Variants in SNX27 observed in about 807,000 individuals in gnomAD.
SNX27 encodes the protein sorting nexin 27.
Under a neutral mutation model 71.6 loss-of-function variants are expected in SNX27, and 22 were observed. The observed-to-expected ratio is 0.31, with a 90% CI of 0.22 to 0.44. SNX27 has a LOEUF of 0.44. Ranked by LOEUF, SNX27 falls within the 20% of genes least tolerant of loss-of-function variation. The pLI, the probability that SNX27 is intolerant of heterozygous loss-of-function variation, is 1.00. For synonymous variants in SNX27, 269 were observed against 277.2 expected, an observed-to-expected ratio of 0.97 and a Z score of 0.29; for missense variants, 531 against 698.6, an observed-to-expected ratio of 0.76 and a Z score of 2.70.
At chr1:151,638,803 C>T in intron 1 of SNX27, 85 bp from the exon 2 acceptor site, 1 of 1,222,086 alleles carries the variant, frequency 8.2e-7, no homozygotes, top group Non-Finnish European at 1.2e-6. Context: ...CCGTGTGACA[C>T]TGGAGTTTGG....
At position 151,631,322 on chromosome 1, in the gene SNX27, A is replaced by G. The variant is rs75366612; in HGVS notation, c.312-7566A>G. On this transcript the variant is annotated intron_variant, in intron 1 of 11. Transcript: ENST00000458013. ...CAGAGATCTCCTAATTTTTAAGAAG[A>G]TATGTTGTGGAGAAGGTAGGGAGTT... Among the ~76,000 whole-genome samples, 491 of 152,268 alleles carry G rather than the reference A, an allele frequency of 3.2e-3. 1 individual carries two copies. Among genetic ancestry groups the G allele is most frequent in the African/African-American group, 0.011 (467 of 41,550 alleles).
intron 6 of SNX27, among the ~76,000 whole-genome samples, chr1:151,667,751 T>C (rs960143224): frequency 3.7e-5 from 5 of 133,798 alleles, no homozygotes; most frequent in African/African-American, 1.1e-4. Context: ...GGCGTGAACC[T>C]GGGAGGCGGA....
intron 5 of SNX27, chr1:151,662,718 C>T (rs1670014872): frequency 1.3e-5 from 2 of 152,918 alleles, no homozygotes; most frequent in African/African-American, 4.8e-5. Context: ...CTCCTGATCT[C>T]ATGATCCACC....
chr1:151,648,403 A>G (rs1325861582), intron 2 of SNX27, among the ~76,000 whole-genome samples: 3 of 150,894 alleles, frequency 2.0e-5, no homozygotes, highest in Non-Finnish European at 4.4e-5. Context: ...ATTTGATCAC[A>G]TATTTACCAT....
intron 1 of SNX27, among the ~76,000 whole-genome samples, chr1:151,618,349 T>C (rs1667522323): frequency 6.6e-6 from 1 of 152,238 alleles, no homozygotes; most frequent in Admixed American, 6.5e-5. Context: ...TGGTTATCAG[T>C]GAAGACAGCA....
At chr1:151,692,095 G>T (rs1671478792) in intron 8 of SNX27, among the ~76,000 whole-genome samples, 1 of 152,036 alleles carries the variant, frequency 6.6e-6, no homozygotes, top group Admixed American at 6.6e-5. Context: ...AGCTACTTGG[G>T]AGGCTGAGGC....
At chr1:151,615,107 A>G (rs1198188438) in intron 1 of SNX27, among the ~76,000 whole-genome samples, 1 of 152,198 alleles carries the variant, frequency 6.6e-6, no homozygotes. Flanking sequence ...CCTTTGTGGT[A>G]AGTAGAGAAC....
intron 2 of SNX27, among the ~76,000 whole-genome samples, chr1:151,649,086 C>G (rs190886238): frequency 6.6e-6 from 1 of 151,638 alleles, no homozygotes; most frequent in Admixed American, 6.6e-5. Context: ...CTCAGCCTCC[C>G]GAGTAGCTGG....
intron 5 of SNX27, among the ~76,000 whole-genome samples, chr1:151,664,739 C>A (rs1033670848): frequency 3.9e-5 from 6 of 152,208 alleles, no homozygotes; most frequent in Middle Eastern, 3.4e-3. Flanking sequence ...GGATCTCAGG[C>A]ATTTATGAAA....
At position 151,686,240 on chromosome 1, in the gene SNX27, A is replaced by G. The variant is rs181737303; in HGVS notation, c.1239+2795A>G. 1.4e-3 allele frequency among the ~76,000 whole-genome samples: 216 copies of G among 152,358 alleles called. 1 individual carries two copies. Among genetic ancestry groups the G allele is most frequent in the Non-Finnish European group, 1.9e-3 (132 of 68,030 alleles). Reference sequence around the variant, plus strand: ...TTCCAAACACACTATCTTTCCATCTATGTATTCAACAAAACATATTTGTTG... The same window carrying G: ...TTCCAAACACACTATCTTTCCATCTGTGTATTCAACAAAACATATTTGTTG... On this transcript the variant is annotated intron_variant, in intron 8 of 11. Transcript: ENST00000458013.
chr1:151,685,960 C>T (rs775236979), intron 8 of SNX27, among the ~76,000 whole-genome samples: 2 of 152,164 alleles, frequency 1.3e-5, no homozygotes, highest in African/African-American at 4.8e-5. Context: ...TTTTAAAACA[C>T]GACTTCCACC....
At chr1:151,676,946 G>A (rs1670727886) in intron 7 of SNX27, 1 of 151,926 alleles carries the variant, frequency 6.6e-6, no homozygotes, top group South Asian at 2.1e-4. Flanking sequence ...GTGTGTGTGT[G>A]TGTGTGTATA....
At chr1:151,637,166 T>TG (rs1211354739) in intron 1 of SNX27, among the ~76,000 whole-genome samples, 2 of 90,382 alleles carry the variant, frequency 2.2e-5, no homozygotes, top group African/African-American at 9.4e-5. Flanking sequence ...TTTTTTGTTT[T>TG]TTTGTTTTTT....
Position 151,696,498 on chromosome 1 carries a change from T to A in SNX27, c.*2081T>A, listed in dbSNP as rs4617400. The A allele has an allele frequency of 9.4e-5, 10 of 106,500 alleles. No individual in the cohort carries two copies. The highest frequency in any genetic ancestry group is 2.8e-4 in the African/African-American group (8 of 28,466). The allele number at this position is 106,500 out of a possible 1,614,324, so 6.6% of individuals were successfully genotyped here. ...CTTTCTTTCTTTCTTTCTTTCTTTC[T>A]TTCTTTCGTTCTTTCGTTCTTTCGT... On this transcript the variant is annotated 3_prime_UTR_variant, in exon 12 of 12. Coordinates refer to ENST00000458013, the MANE Select transcript of SNX27 (RefSeq NM_001330723.2).
At chr1:151,633,038 AT>A (rs1668312675) in intron 1 of SNX27, among the ~76,000 whole-genome samples, 1 of 151,572 alleles carries the variant, frequency 6.6e-6, no homozygotes, top group South Asian at 2.1e-4. Flanking sequence ...CGCCTGGCTA[AT>A]TTTTTTGTAT....
intron 2 of SNX27, among the ~76,000 whole-genome samples, chr1:151,651,422 G>A (rs1372910223): frequency 2.7e-5 from 4 of 149,090 alleles, no homozygotes; most frequent in African/African-American, 7.4e-5. Flanking sequence ...GCTGCCGGGC[G>A]GAGACGCTCC....
chr1:151,675,709 A>G (rs1030810618), intron 7 of SNX27: 3 of 143,262 alleles, frequency 2.1e-5, no homozygotes, highest in Admixed American at 7.0e-5. Context: ...TGAGTATGTG[A>G]TTATAAATGA....
chr1:151,685,005 C>T (rs1671129400), intron 8 of SNX27, among the ~76,000 whole-genome samples: 1 of 151,942 alleles, frequency 6.6e-6, no homozygotes, highest in Non-Finnish European at 1.5e-5. Flanking sequence ...GATGGGGTTT[C>T]ACCATGTTGG....
chr1:151,641,672 T>G (rs1049313704), intron 2 of SNX27, among the ~76,000 whole-genome samples: 16 of 138,094 alleles, frequency 1.2e-4, no homozygotes, highest in Non-Finnish European at 1.8e-4. Flanking sequence ...GATATATATA[T>G]CATATATATC....
Sources: gnomAD v4.1 joint callset for allele counts (sites outside exome capture counted in the v4.1 genomes callset) on GRCh38, gnomAD v4.1.1 for gene constraint, MANE v1.5 for transcripts, NCBI Gene and HGNC (gene_info 2026-07-23, HGNC 2026-07-21) for gene names.